The following TCAIM variants were observed in gnomAD, a reference collection of about 807,000 sequenced individuals.
TCAIM encodes the protein T-cell activation inhibitor, mitochondrial.
In TCAIM, 36 loss-of-function variants were observed where a neutral mutation model predicts 58.6. That is an observed-to-expected ratio of 0.61 (90% confidence interval 0.47 to 0.81). The LOEUF (loss-of-function observed/expected upper bound fraction) is 0.81. Ranked by LOEUF, TCAIM falls within the 30% of genes least tolerant of loss-of-function variation. The pLI, the probability that TCAIM is intolerant of heterozygous loss-of-function variation, is 0.00. For missense variants in TCAIM, 466 were observed against 579.6 expected, an observed-to-expected ratio of 0.80 and a Z score of 2.01; for synonymous variants, 172 against 193.6, an observed-to-expected ratio of 0.89 and a Z score of 0.93.
At chr3:44,359,701 C>T (rs1278695101) in intron 3 of TCAIM, 1 of 152,212 alleles carries the variant, frequency 6.6e-6, no homozygotes, top group Non-Finnish European at 1.5e-5. Context: ...CAACTGGAAA[C>T]TTGCACGTGG....
intron 3 of TCAIM, among the ~76,000 whole-genome samples, chr3:44,360,154 G>A (rs1701271961): frequency 6.6e-6 from 1 of 151,570 alleles, no homozygotes; most frequent in South Asian, 2.1e-4. Context: ...CTAGCATTCC[G>A]TCCCCTCTTT....
intron 5 of TCAIM, among the ~76,000 whole-genome samples, chr3:44,370,641 C>T (rs561389311): frequency 5.4e-4 from 82 of 150,570 alleles, no homozygotes; most frequent in Non-Finnish European, 9.2e-4. Context: ...TTAATAGTGG[C>T]ATAGCATTAC....
chr3:44,392,842 T>C lies in TCAIM; in HGVS notation c.573-13T>C. 6.2e-7 allele frequency: 1 copy of C among 1,609,176 alleles called. No homozygotes were observed. The highest frequency in any genetic ancestry group is 8.5e-7 in the Non-Finnish European group (1 of 1,177,470). On this transcript the variant is annotated splice_polypyrimidine_tract_variant and intron_variant, in intron 5 of 10. Transcript: ENST00000342649. ...TAGTTAGTATTGTAAAGTATGTATC[T>C]CTCTCTTTCTAGATCCTGGTTAGAT...
At chr3:44,358,083 G>A (rs371156651) in intron 3 of TCAIM, 2 of 1,381,558 alleles carry the variant, frequency 1.4e-6, no homozygotes, top group Non-Finnish European at 9.5e-7. Context: ...AGGCAATAAA[G>A]CTGTCATTTA....
chr3:44,377,012 C>T (rs554812877), intron 5 of TCAIM, among the ~76,000 whole-genome samples: 3 of 152,294 alleles, frequency 2.0e-5, no homozygotes, highest in African/African-American at 7.2e-5. Flanking sequence ...ATCGCTTGAA[C>T]CTGGGAGGCG....
At chr3:44,395,845 G>A (rs1179316495) in intron 6 of TCAIM, among the ~76,000 whole-genome samples, 1 of 152,176 alleles carries the variant, frequency 6.6e-6, no homozygotes, top group Non-Finnish European at 1.5e-5. Flanking sequence ...TAAGTAGCCG[G>A]CCATGGTGGC....
intron 5 of TCAIM, among the ~76,000 whole-genome samples, chr3:44,377,650 A>G (rs764539625): frequency 6.6e-5 from 10 of 152,216 alleles, no homozygotes; most frequent in Non-Finnish European, 1.3e-4. Flanking sequence ...ATAGATTTCA[A>G]AAGATAAATA....
intron 4 of TCAIM, among the ~76,000 whole-genome samples, chr3:44,361,927 T>C (rs1701301634): frequency 6.6e-6 from 1 of 152,212 alleles, no homozygotes; most frequent in South Asian, 2.1e-4. Context: ...AGAAAGAATA[T>C]GAGTCTTGAA....
chr3:44,355,519 A>T (rs1187760299), intron 2 of TCAIM, among the ~76,000 whole-genome samples: 15 of 152,246 alleles, frequency 9.9e-5, no homozygotes, highest in Non-Finnish European at 4.4e-5. Context: ...TCTGTTGGTG[A>T]TACCCAATAT....
intron 3 of TCAIM, chr3:44,358,775 A>G (rs368144927): frequency 8.1e-6 from 8 of 985,366 alleles, no homozygotes; most frequent in Middle Eastern, 5.2e-4. Flanking sequence ...TGTTCCTTCT[A>G]TTTTCATTAA....
chr3:44,405,053 C>G (rs1176175912), intron 10 of TCAIM, among the ~76,000 whole-genome samples: 1 of 152,058 alleles, frequency 6.6e-6, no homozygotes, highest in African/African-American at 2.4e-5. Context: ...ACTTGTAGCT[C>G]CTGTCTCTTG....
chr3:44,382,902 A>T (rs929418237), intron 5 of TCAIM, among the ~76,000 whole-genome samples: 1 of 152,176 alleles, frequency 6.6e-6, no homozygotes, highest in African/African-American at 2.4e-5. Flanking sequence ...CCAGCAAACA[A>T]CCCATTTCAA....
At chr3:44,372,024 AGG>A (rs1701481144) in intron 5 of TCAIM, among the ~76,000 whole-genome samples, 1 of 118,498 alleles carries the variant, frequency 8.4e-6, no homozygotes, top group Admixed American at 8.2e-5. Context: ...GAAGGAAGGA[AGG>A]AAGGAAGGAA....
chr3:44,341,001 G>A (rs1364729839), intron 1 of TCAIM: 2 of 152,044 alleles, frequency 1.3e-5, no homozygotes, highest in African/African-American at 2.4e-5. Flanking sequence ...TAAACAGAAC[G>A]AGAAAATATA....
At chr3:44,347,444 G>A (rs952061191) in intron 1 of TCAIM, among the ~76,000 whole-genome samples, 8 of 152,198 alleles carry the variant, frequency 5.3e-5, no homozygotes, top group Non-Finnish European at 1.0e-4. Context: ...GGATGTCAGG[G>A]TCAGTCCAGG....
chr3:44,346,292 A>G (rs539367440), intron 1 of TCAIM, among the ~76,000 whole-genome samples: 4 of 152,286 alleles, frequency 2.6e-5, no homozygotes, highest in Admixed American at 6.5e-5. Flanking sequence ...ATCGGACTGT[A>G]TAGAGGTGGG....
chr3:44,365,633 G>A (rs189935084), intron 4 of TCAIM, among the ~76,000 whole-genome samples: 2 of 152,100 alleles, frequency 1.3e-5, no homozygotes, highest in South Asian at 2.1e-4. Context: ...GGCCTCATAC[G>A]TGATACACAC....
intron 2 of TCAIM, among the ~76,000 whole-genome samples, chr3:44,355,237 T>C (rs1309253300): frequency 1.7e-5 from 2 of 114,632 alleles, no homozygotes; most frequent in African/African-American, 5.4e-5. Context: ...ATTGTTCAAT[T>C]TGGATAGGTA....
Position 44,364,627 on chromosome 3 carries a change from C to T in TCAIM, c.320-2829C>T, listed in dbSNP as rs7613296. 1.1e-4 allele frequency among the ~76,000 whole-genome samples: 16 copies of T among 151,654 alleles called. 1 individual carries two copies. The South Asian group carries it at 2.7e-3, about 26-fold the overall frequency. Reference sequence around the variant, plus strand: ...CGTGGTGGCATGTGCCTGTAGTCCCCGCTACTCGAGAGCCTAAGGTAGGAG... The same window carrying T: ...CGTGGTGGCATGTGCCTGTAGTCCCTGCTACTCGAGAGCCTAAGGTAGGAG... On this transcript the variant is annotated intron_variant, in intron 4 of 10. Transcript: ENST00000342649.
Sources: allele counts gnomAD v4.1 joint callset (sites outside exome capture counted in the v4.1 genomes callset), GRCh38; gene constraint gnomAD v4.1.1; transcripts MANE v1.5; gene names NCBI Gene and HGNC (gene_info 2026-07-23, HGNC 2026-07-21).